The following PKNOX2 variants were observed in gnomAD, a reference collection of about 807,000 sequenced individuals.
The protein encoded by PKNOX2 is homeobox protein PKNOX2.
PKNOX2 carries 14 observed loss-of-function variants against 53.1 expected under a neutral mutation model. The observed-to-expected ratio is 0.26, with a 90% CI of 0.17 to 0.41. PKNOX2 has a LOEUF of 0.41. Among genes scored for constraint, PKNOX2 ranks in the 10% least tolerant of loss-of-function variants. The pLI, the probability that PKNOX2 is intolerant of heterozygous loss-of-function variation, is 1.00. For missense variants in PKNOX2, 496 were observed against 602.8 expected (o/e 0.82, Z 1.85); for synonymous variants, 257 against 242.8 (o/e 1.06, Z -0.54).
At position 125,397,877 on chromosome 11, in the gene PKNOX2, G is replaced by C; in HGVS notation, c.403G>C (p.Val135Leu). 1 of 1,609,392 alleles carries C rather than the reference G, an allele frequency of 6.2e-7. No homozygotes were observed. The highest frequency in any genetic ancestry group is 8.5e-7 in the Non-Finnish European group (1 of 1,177,822). Residue 135 changes from valine to leucine, a missense_variant, in exon 7 of 13, where the codon GTG (valine) becomes CTG (leucine). By Grantham distance (32) the Val-to-Leu change is conservative. Transcript: ENST00000298282. ...CACCTCTCCTCCCTCTCCACAGATGGTGAAGGCAATCCAGGTCCTGAGAAT... is the reference window on the plus strand; with the variant it reads ...CACCTCTCCTCCCTCTCCACAGATGCTGAAGGCAATCCAGGTCCTGAGAAT... ...SDDPELDNLM[V>L]KAIQVLRIHL...
intron 2 of PKNOX2, among the ~76,000 whole-genome samples, chr11:125,286,987 C>A (rs1946947826): frequency 6.6e-6 from 1 of 152,218 alleles, no homozygotes. Context: ...ACGTGGGATC[C>A]TGCAGCTCAC....
chr11:125,406,244 T>C (rs895362670), intron 7 of PKNOX2, among the ~76,000 whole-genome samples: 1 of 152,202 alleles, frequency 6.6e-6, no homozygotes, highest in Non-Finnish European at 1.5e-5. Flanking sequence ...AGTCAGACCC[T>C]CCTTGTCTCC....
intron 4 of PKNOX2, among the ~76,000 whole-genome samples, chr11:125,360,898 G>A (rs949469118): frequency 2.0e-5 from 3 of 152,208 alleles, no homozygotes; most frequent in Non-Finnish European, 4.4e-5. Flanking sequence ...AAAAGGTTGA[G>A]TAACTTGCCC....
intron 10 of PKNOX2, among the ~76,000 whole-genome samples, chr11:125,427,796 C>T (rs1330956480): frequency 6.6e-6 from 1 of 152,138 alleles, no homozygotes; most frequent in Non-Finnish European, 1.5e-5. Flanking sequence ...CCCCTAGCTT[C>T]CAGGACAAAA....
chr11:125,256,719 T>C (rs934893878), intron 2 of PKNOX2, among the ~76,000 whole-genome samples: 1 of 152,172 alleles, frequency 6.6e-6, no homozygotes, highest in East Asian at 1.9e-4. Context: ...ATACTTTTTT[T>C]CCAGATAGCC....
At chr11:125,411,183 C>T (rs780036324) in intron 9 of PKNOX2, 3 of 319,700 alleles carry the variant, frequency 9.4e-6, no homozygotes, top group Admixed American at 9.1e-5. Flanking sequence ...GTAGAAAGAT[C>T]GGAAGTCAGA....
At chr11:125,347,798 C>G (rs1197559371) in intron 3 of PKNOX2, among the ~76,000 whole-genome samples, 1 of 152,124 alleles carries the variant, frequency 6.6e-6, no homozygotes, top group African/African-American at 2.4e-5. Flanking sequence ...TAAAGGTTTT[C>G]AGCACTGAAC....
intron 5 of PKNOX2, among the ~76,000 whole-genome samples, chr11:125,374,167 C>G: frequency 6.6e-6 from 1 of 152,184 alleles, no homozygotes; most frequent in Non-Finnish European, 1.5e-5. Context: ...GGGCTTAACC[C>G]TCTGCCTTCC....
At chr11:125,377,781 A>T (rs1299719182) in intron 5 of PKNOX2, among the ~76,000 whole-genome samples, 1 of 152,254 alleles carries the variant, frequency 6.6e-6, no homozygotes, top group Non-Finnish European at 1.5e-5. Flanking sequence ...AAACAACAAC[A>T]AAAACGCAAA....
intron 9 of PKNOX2, chr11:125,411,491 T>C (rs904536272): frequency 2.2e-6 from 1 of 447,212 alleles, no homozygotes; most frequent in African/African-American, 2.1e-5. Flanking sequence ...TCTCTCTCTC[T>C]CTCTCTCTCT....
At chr11:125,189,444 T>C (rs1956710631) in intron 1 of PKNOX2, among the ~76,000 whole-genome samples, 1 of 75,936 alleles carries the variant, frequency 1.3e-5, no homozygotes, top group Non-Finnish European at 2.4e-5. Context: ...TGTGTGTGTG[T>C]GTGTATATAT....
intron 2 of PKNOX2, among the ~76,000 whole-genome samples, chr11:125,288,380 T>A (rs1947054998): frequency 6.6e-6 from 1 of 152,200 alleles, no homozygotes; most frequent in Non-Finnish European, 1.5e-5. Flanking sequence ...TCCCAGATGT[T>A]CTGATGTGCT....
At chr11:125,355,680 C>T (rs1454493008) in intron 4 of PKNOX2, among the ~76,000 whole-genome samples, 2 of 152,278 alleles carry the variant, frequency 1.3e-5, no homozygotes, top group African/African-American at 2.4e-5. Context: ...CAGCCCCCTC[C>T]TCCCACTGCC....
At chr11:125,384,195 G>A (rs1244257604) in intron 5 of PKNOX2, among the ~76,000 whole-genome samples, 45 of 152,168 alleles carry the variant, frequency 3.0e-4, no homozygotes, top group Admixed American at 2.8e-3. Context: ...TTTGAGATCC[G>A]CATACATCTG....
intron 3 of PKNOX2, among the ~76,000 whole-genome samples, chr11:125,333,710 G>A (rs1215223967): frequency 6.6e-6 from 1 of 152,130 alleles, no homozygotes; most frequent in Non-Finnish European, 1.5e-5. Context: ...TGGAAGTGTG[G>A]CAATCAGAGA....
intron 7 of PKNOX2, among the ~76,000 whole-genome samples, chr11:125,406,926 A>T (rs1955143407): frequency 2.0e-5 from 3 of 148,744 alleles, no homozygotes; most frequent in African/African-American, 7.4e-5. Context: ...CTAAAAAAAA[A>T]AAAAAAAAAA....
chr11:125,225,451 C>T (rs1302378566), intron 1 of PKNOX2, among the ~76,000 whole-genome samples: 1 of 152,206 alleles, frequency 6.6e-6, no homozygotes, highest in Non-Finnish European at 1.5e-5. Flanking sequence ...ACTGTTTCTT[C>T]AAATGTGAAA....
intron 10 of PKNOX2, among the ~76,000 whole-genome samples, chr11:125,416,879 G>C (rs1955913730): frequency 6.6e-6 from 1 of 152,006 alleles, no homozygotes; most frequent in African/African-American, 2.4e-5. Context: ...GGGGCTTCTT[G>C]TCATTTCTAC....
Position 125,431,394 on chromosome 11 carries a change from C to G in PKNOX2, c.*2C>G, listed in dbSNP as rs538471600. 1 of 1,450,252 alleles carries G rather than the reference C, an allele frequency of 6.9e-7. No homozygotes were observed. The highest frequency in any genetic ancestry group is 9.3e-7 in the Non-Finnish European group (1 of 1,080,160). 89.8% of individuals were successfully genotyped at this position (1,450,252 alleles called of 1,614,324 possible). A position where few individuals can be genotyped will look rare whatever the true frequency, so the allele number is the denominator to read the frequency against. ...GAACACAGTGACTCCCTGGAGTAGT[C>G]GGGCAGCCCAGATGGCACTGATCAC... On this transcript the variant is annotated 3_prime_UTR_variant, in exon 13 of 13. Transcript: ENST00000298282.
Sources: allele counts gnomAD v4.1 joint callset (sites outside exome capture counted in the v4.1 genomes callset), GRCh38; gene constraint gnomAD v4.1.1; transcripts MANE v1.5; gene names NCBI Gene and HGNC (gene_info 2026-07-23, HGNC 2026-07-21).